The following SLC22A3 variants were observed in gnomAD, a reference collection of about 807,000 sequenced individuals.
The protein encoded by SLC22A3 is solute carrier family 22 member 3.
In SLC22A3, 51 loss-of-function variants were observed where a neutral mutation model predicts 59.1. The observed-to-expected ratio is 0.86, with a 90% CI of 0.69 to 1.09. The LOEUF is 1.09. Ranked by LOEUF, SLC22A3 falls within the 50% of genes least tolerant of loss-of-function variation. The pLI is 0.00. For synonymous variants in SLC22A3, 325 were observed against 292.0 expected (o/e 1.11, Z -1.15); for missense variants, 711 against 726.3 (o/e 0.98, Z 0.24).
chr6:160,368,738 C>T (rs995627307), intron 1 of SLC22A3, among the ~76,000 whole-genome samples: 36 of 152,170 alleles, frequency 2.4e-4, no homozygotes, highest in African/African-American at 8.4e-4. Flanking sequence ...ATGTATCACA[C>T]CAAAGTGTCA....
At chr6:160,395,379 C>T (rs905374407) in intron 1 of SLC22A3, among the ~76,000 whole-genome samples, 1 of 152,214 alleles carries the variant, frequency 6.6e-6, no homozygotes, top group Admixed American at 6.5e-5. Context: ...TTTGCCTCTG[C>T]TAGCTAACTC....
In SLC22A3 at chr6:160,451,210, T is replaced by A. The variant is rs1262475982; in HGVS notation, c.*154T>A. On this transcript the variant is annotated 3_prime_UTR_variant, in exon 11 of 11. Transcript: ENST00000275300. ...CCTCAATCTATCCAGAGTATTTTTATATAATGTTGGATGAGTTAGGATTTG... is the reference window on the plus strand; with the variant it reads ...CCTCAATCTATCCAGAGTATTTTTAAATAATGTTGGATGAGTTAGGATTTG... The A allele has an allele frequency of 1.4e-6, 1 of 696,614 alleles. No individual in the cohort carries two copies. The highest frequency in any genetic ancestry group is 2.8e-5 in the East Asian group (1 of 35,926). The allele number at this position is 696,614 out of a possible 1,614,324, so 43.2% of individuals were successfully genotyped here.
At chr6:160,358,650 G>C (rs892768202) in intron 1 of SLC22A3, among the ~76,000 whole-genome samples, 1 of 152,206 alleles carries the variant, frequency 6.6e-6, no homozygotes, top group African/African-American at 2.4e-5. Context: ...CCCCATCCGG[G>C]TGGCTCTGGG....
rs571454579 is a variant in SLC22A3 at position 160,414,437 on chromosome 6, A to T, written c.975+3591A>T. Among the ~76,000 whole-genome samples the T allele has an allele frequency of 3.9e-5, 6 of 152,324 alleles. No individual in the cohort carries two copies. In the East Asian group the frequency reaches 1.2e-3, roughly 29 times the overall value. On this transcript the variant is annotated intron_variant, in intron 5 of 10. Transcript: ENST00000275300. ...AAATTGGCTCCCTACATCCTCCCAA[A>T]GTGATTAATGAGTTGAGTGTGTTTA...
chr6:160,365,205 T>A (rs150901453), intron 1 of SLC22A3, among the ~76,000 whole-genome samples: 1 of 152,332 alleles, frequency 6.6e-6, no homozygotes, highest in African/African-American at 2.4e-5. Flanking sequence ...TGTTAAACTG[T>A]CTTCAGCATC....
intron 9 of SLC22A3, among the ~76,000 whole-genome samples, chr6:160,446,771 G>C (rs1436172822): frequency 6.6e-6 from 1 of 152,200 alleles, no homozygotes; most frequent in African/African-American, 2.4e-5. Context: ...ATGAGAAATA[G>C]AGGCAATAAA....
At chr6:160,432,397 G>A (rs1788182175) in intron 5 of SLC22A3, among the ~76,000 whole-genome samples, 1 of 151,004 alleles carries the variant, frequency 6.6e-6, no homozygotes, top group Admixed American at 6.6e-5. Flanking sequence ...TTAAAAGTGA[G>A]CTTTTTTTTT....
intron 5 of SLC22A3, among the ~76,000 whole-genome samples, chr6:160,433,046 A>G (rs1460225972): frequency 1.3e-5 from 2 of 152,186 alleles, no homozygotes; most frequent in Admixed American, 1.3e-4. Flanking sequence ...TTTGTAAATA[A>G]ATTTTATTGG....
At chr6:160,426,353 T>C in intron 5 of SLC22A3, 2 of 985,372 alleles carry the variant, frequency 2.0e-6, no homozygotes, top group Non-Finnish European at 2.4e-6. Flanking sequence ...TTTTGAGGGG[T>C]GCAGAGTTGG....
chr6:160,384,872 C>T (rs1008787703), intron 1 of SLC22A3, among the ~76,000 whole-genome samples: 9 of 152,178 alleles, frequency 5.9e-5, no homozygotes, highest in African/African-American at 2.2e-4. Context: ...GCAGGGAAAG[C>T]AGGCTCCGCA....
intron 5 of SLC22A3, among the ~76,000 whole-genome samples, chr6:160,423,140 G>A (rs1226253740): frequency 6.6e-6 from 1 of 152,182 alleles, no homozygotes; most frequent in African/African-American, 2.4e-5. Flanking sequence ...CTTCATGCAT[G>A]TCCCTACAAA....
At chr6:160,439,808 T>C (rs1398837123) in intron 7 of SLC22A3, among the ~76,000 whole-genome samples, 1 of 152,228 alleles carries the variant, frequency 6.6e-6, no homozygotes, top group Non-Finnish European at 1.5e-5. Context: ...CAAGAATACA[T>C]TTCAAATCCC....
chr6:160,432,094 C>T (rs1167321002), intron 5 of SLC22A3, among the ~76,000 whole-genome samples: 1 of 152,220 alleles, frequency 6.6e-6, no homozygotes, highest in African/African-American at 2.4e-5. Flanking sequence ...AAGATTTCTT[C>T]AGGAACTTCT....
intron 7 of SLC22A3, among the ~76,000 whole-genome samples, chr6:160,438,762 A>G (rs181793416): frequency 2.6e-5 from 4 of 152,250 alleles, no homozygotes; most frequent in Admixed American, 2.6e-4. Flanking sequence ...GCTTGAAACA[A>G]CAGACATTTA....
intron 7 of SLC22A3, 107 bp downstream of exon 7, chr6:160,437,318 C>T: frequency 8.7e-7 from 1 of 1,150,794 alleles, no homozygotes; most frequent in Admixed American, 1.8e-5. Flanking sequence ...AATGGAATCA[C>T]AGTCTTTCGT....
chr6:160,417,790 T>C (rs1026019842), intron 5 of SLC22A3, among the ~76,000 whole-genome samples: 2 of 152,148 alleles, frequency 1.3e-5, no homozygotes, highest in East Asian at 3.9e-4. Context: ...CTTGTGTGGT[T>C]GGGCTTTATC....
chr6:160,445,505 G>C (rs1177266219), intron 9 of SLC22A3, among the ~76,000 whole-genome samples: 1 of 152,200 alleles, frequency 6.6e-6, no homozygotes, highest in Non-Finnish European at 1.5e-5. Flanking sequence ...TAGAAACACA[G>C]ATATGCAAGT....
intron 1 of SLC22A3, among the ~76,000 whole-genome samples, chr6:160,355,856 CCAGA>C (rs1270774878): frequency 6.6e-6 from 1 of 152,166 alleles, no homozygotes; most frequent in Non-Finnish European, 1.5e-5. Flanking sequence ...CACACCAATT[CCAGA>C]CACACCTTCC....
At chr6:160,430,985 G>A (rs1011493739) in intron 5 of SLC22A3, among the ~76,000 whole-genome samples, 4 of 152,172 alleles carry the variant, frequency 2.6e-5, no homozygotes, top group Admixed American at 6.5e-5. Flanking sequence ...TGGGGATCAT[G>A]GAAAGGGTCC....
Sources: allele counts gnomAD v4.1 joint callset (sites outside exome capture counted in the v4.1 genomes callset), GRCh38; gene constraint gnomAD v4.1.1; transcripts MANE v1.5; gene names NCBI Gene and HGNC (gene_info 2026-07-23, HGNC 2026-07-21).